HK1: variants seen among roughly 807,000 people sequenced by gnomAD.
The protein encoded by HK1 is hexokinase-1.
A neutral mutation model predicts 91.6 loss-of-function variants in HK1; 28 were observed. That is an observed-to-expected ratio of 0.31 (90% CI 0.23 to 0.42). The LOEUF (loss-of-function observed/expected upper bound fraction) is 0.42. Ranked by LOEUF, HK1 falls within the 10% of genes least tolerant of loss-of-function variation. The pLI is 1.00. For synonymous variants in HK1, 430 were observed against 468.1 expected, an observed-to-expected ratio of 0.92 and a Z score of 1.05; for missense variants, 770 against 1,219.8, an observed-to-expected ratio of 0.63 and a Z score of 5.49.
At chr10:69,298,286 C>T (rs1369943033) in intron 4 of HK1, among the ~76,000 whole-genome samples, 2 of 151,764 alleles carry the variant, frequency 1.3e-5, no homozygotes, top group African/African-American at 4.9e-5. Flanking sequence ...TTTAATTAGA[C>T]TGATCCTCAC....
chr10:69,363,871 C>T (rs1849561820), intron 3 of HK1, among the ~76,000 whole-genome samples: 1 of 152,212 alleles, frequency 6.6e-6, no homozygotes, highest in Admixed American at 6.5e-5. Flanking sequence ...CACAGGCAAG[C>T]TTAAGCTACA....
chr10:69,361,807 G>A (rs115417147), intron 3 of HK1, among the ~76,000 whole-genome samples: 269 of 152,204 alleles, frequency 1.8e-3, no homozygotes, highest in African/African-American at 6.2e-3. Flanking sequence ...TACCATTATA[G>A]CAAATTCTTT....
Position 69,289,493 on chromosome 10 carries a change from A to G in HK1, c.-115+723A>G, listed in dbSNP as rs1245780635. 2.1e-3 allele frequency among the ~76,000 whole-genome samples: 201 copies of G among 97,960 alleles called. 1 individual carries two copies. The highest frequency in any genetic ancestry group is 8.0e-3 in the African/African-American group (190 of 23,852). 64.3% of individuals were successfully genotyped at this position (97,960 alleles called of 152,430 possible). A position where few individuals can be genotyped will look rare whatever the true frequency, so the allele number is the denominator to read the frequency against. Reference sequence around the variant, plus strand: ...TTTTTTTTTTTTTTTTTTTTTTGAGATAGAGTCTCATTCTGTTGCCCAGGC... The same window carrying G: ...TTTTTTTTTTTTTTTTTTTTTTGAGGTAGAGTCTCATTCTGTTGCCCAGGC... On this transcript the variant is annotated intron_variant, in intron 3 of 21. Coordinates refer to the HK1 transcript ENST00000360289.
chr10:69,350,079 G>A (rs180887052), intron 2 of HK1, among the ~76,000 whole-genome samples: 5 of 152,258 alleles, frequency 3.3e-5, no homozygotes, highest in South Asian at 2.1e-4. Flanking sequence ...TATAGCCAGC[G>A]ATCTCTGTGC....
At position 69,394,808 on chromosome 10, in the gene HK1, C is replaced by A. The variant is rs117056999; in HGVS notation, c.2220-142C>A. ...TCCTGGTCCTCCCACTCTGCCTCTG[C>A]GGCAGAGCACAGGGCTGGGCACATG... On this transcript the variant is annotated intron_variant, in intron 15 of 17. Transcript: ENST00000359426. 1.7e-5 allele frequency: 14 copies of A among 806,426 alleles called. No individual in the cohort carries two copies. The South Asian group carries it at 1.9e-4, about 11-fold the overall frequency. 50.0% of individuals were successfully genotyped at this position (806,426 alleles called of 1,614,324 possible). A position where few individuals can be genotyped will look rare whatever the true frequency, so the allele number is the denominator to read the frequency against.
At chr10:69,351,139 C>T (rs1254759465) in intron 2 of HK1, among the ~76,000 whole-genome samples, 2 of 151,296 alleles carry the variant, frequency 1.3e-5, no homozygotes, top group African/African-American at 4.9e-5. Context: ...CACGCCACTG[C>T]ACTCCAGCCT....
intron 2 of HK1, among the ~76,000 whole-genome samples, chr10:69,345,422 A>G (rs1848498417): frequency 6.6e-6 from 1 of 152,038 alleles, no homozygotes; most frequent in Non-Finnish European, 1.5e-5. Context: ...TATATAGTTC[A>G]CTCTTGCTTT....
intron 1 of HK1, among the ~76,000 whole-genome samples, chr10:69,272,894 TC>T (rs1172578757): frequency 6.6e-6 from 1 of 151,956 alleles, no homozygotes; most frequent in Non-Finnish European, 1.5e-5. Flanking sequence ...TTCTCCTCTT[TC>T]CTTCTGAAAT....
chr10:69,281,225 C>T (rs1265419888), intron 1 of HK1, among the ~76,000 whole-genome samples: 1 of 152,178 alleles, frequency 6.6e-6, no homozygotes, highest in Non-Finnish European at 1.5e-5. Flanking sequence ...CCAATGTTTT[C>T]CATTCAGTAG....
chr10:69,283,020 G>A (rs60996262), intron 2 of HK1, among the ~76,000 whole-genome samples: 3 of 150,712 alleles, frequency 2.0e-5, no homozygotes, highest in East Asian at 1.9e-4. Flanking sequence ...CAGCTACTTC[G>A]GAGGCTGAGG....
intron 2 of HK1, among the ~76,000 whole-genome samples, chr10:69,349,149 T>C (rs1338687430): frequency 6.6e-6 from 1 of 152,174 alleles, no homozygotes; most frequent in Non-Finnish European, 1.5e-5. Context: ...GGAAACCTAT[T>C]ACTGCAGAAA....
At position 69,382,421 on chromosome 10, in the gene HK1, G is replaced by A. The variant is rs577699713; in HGVS notation, c.1266-66G>A. On this transcript the variant is annotated intron_variant, in intron 9 of 17. Transcript: ENST00000359426. Reference sequence around the variant, plus strand: ...GAGTTAAAGAGTGGAGAAAGAAAGGGTGGCCGGAGGTCCCCAATAAATGCT... The same window carrying A: ...GAGTTAAAGAGTGGAGAAAGAAAGGATGGCCGGAGGTCCCCAATAAATGCT... The A allele has an allele frequency of 1.8e-4, 272 of 1,486,324 alleles. 1 individual carries two copies. The South Asian group carries it at 2.9e-3, about 16-fold the overall frequency. The allele number at this position is 1,486,324 out of a possible 1,614,324, so 92.1% of individuals were successfully genotyped here.
chr10:69,270,484 G>GAAATTC (rs1844101984), intron 1 of HK1, among the ~76,000 whole-genome samples: 1 of 152,102 alleles, frequency 6.6e-6, no homozygotes, highest in Non-Finnish European at 1.5e-5. Flanking sequence ...TCGGGAGGCT[G>GAAATTC]AAGCAGGAGA....
chr10:69,358,363 C>T (rs1849238330), intron 2 of HK1, among the ~76,000 whole-genome samples: 1 of 152,318 alleles, frequency 6.6e-6, no homozygotes, highest in East Asian at 1.9e-4. Context: ...GCTCTGCCCC[C>T]TGAGGCCCAC....
intron 1 of HK1, among the ~76,000 whole-genome samples, chr10:69,339,543 G>C (rs1368192220): frequency 6.6e-6 from 1 of 152,192 alleles, no homozygotes; most frequent in East Asian, 1.9e-4. Flanking sequence ...CTCCATAGCA[G>C]CTTGAGGACC....
chr10:69,278,980 C>T (rs1013674022), intron 1 of HK1, among the ~76,000 whole-genome samples: 11 of 152,232 alleles, frequency 7.2e-5, no homozygotes, highest in South Asian at 2.1e-4. Context: ...CTCAGAGGAG[C>T]GAGTTTTTAT....
At chr10:69,290,999 G>A (rs74138354) in intron 3 of HK1, among the ~76,000 whole-genome samples, 4 of 152,232 alleles carry the variant, frequency 2.6e-5, no homozygotes, top group African/African-American at 9.6e-5. Flanking sequence ...CCTTCACCCC[G>A]CAACCAGAGT....
At position 69,401,045 on chromosome 10, in the gene HK1, G is replaced by A. The variant is rs1840364081; in HGVS notation, c.2664G>A (p.Val888=). ...TVKELSPKCN[V]SFLLSEDGSG... The stretch of plus-strand genomic sequence containing the variant: ...AGGAACTGTCACCAAAATGTAACGT[G>A]TCCTTCCTCCTGTCTGAGGATGGCA... The change falls in exon 18 of 18, where the codon GTG becomes GTA. Residue 888 remains valine, a synonymous_variant. Coordinates refer to ENST00000359426, the MANE Select transcript of HK1 (RefSeq NM_000188.3). 1.2e-6 allele frequency: 2 copies of A among 1,614,202 alleles called. No homozygotes were observed. The highest frequency in any genetic ancestry group is 1.7e-6 in the Non-Finnish European group (2 of 1,180,012).
intron 10 of HK1, among the ~76,000 whole-genome samples, chr10:69,383,716 A>G (rs915897450): frequency 6.6e-6 from 1 of 152,364 alleles, no homozygotes; most frequent in East Asian, 1.9e-4. Flanking sequence ...GTTGGCTGTC[A>G]GCTGGGGTGC....
Sources: allele counts gnomAD v4.1 joint callset (sites outside exome capture counted in the v4.1 genomes callset), GRCh38; gene constraint gnomAD v4.1.1; transcripts MANE v1.5; gene names NCBI Gene and HGNC (gene_info 2026-07-23, HGNC 2026-07-21).